DISC1: variants seen among roughly 807,000 people sequenced by gnomAD.
DISC1 encodes disrupted in schizophrenia 1 protein.
DISC1 carries 57 observed loss-of-function variants against 84.5 expected under a neutral mutation model. The observed-to-expected ratio is 0.67, with a 90% CI of 0.55 to 0.84. The LOEUF is 0.84. DISC1 is among the 40% of genes least tolerant of loss of function. The pLI is 0.00. For synonymous variants in DISC1, 411 were observed against 415.2 expected (o/e 0.99, Z 0.12); for missense variants, 1,000 against 1,057.8 (o/e 0.95, Z 0.76).
chr1:232,025,759 G>A (rs947982815), intron 11 of DISC1, among the ~76,000 whole-genome samples: 1 of 152,076 alleles, frequency 6.6e-6, no homozygotes, highest in Non-Finnish European at 1.5e-5. Context: ...ACTACGCCCG[G>A]CTAATTTTTT....
intron 8 of DISC1, among the ~76,000 whole-genome samples, chr1:231,816,156 T>C (rs1432161905): frequency 3.9e-5 from 6 of 152,348 alleles, no homozygotes; most frequent in Admixed American, 6.5e-5. Context: ...AGTGGGCTTG[T>C]AGTGGAATAT....
chr1:231,991,016 C>T (rs1040824679), intron 10 of DISC1, among the ~76,000 whole-genome samples: 6 of 152,214 alleles, frequency 3.9e-5, no homozygotes, highest in Non-Finnish European at 8.8e-5. Flanking sequence ...CCTCGCCAGG[C>T]GGCACCTGTG....
At chr1:231,673,849 T>TG (rs1406877715) in intron 1 of DISC1, among the ~76,000 whole-genome samples, 5 of 152,220 alleles carry the variant, frequency 3.3e-5, no homozygotes, top group Non-Finnish European at 1.5e-5. Context: ...ATTATACTTT[T>TG]GGGGCTCACG....
chr1:232,016,335 A>T (rs937108532), intron 11 of DISC1, among the ~76,000 whole-genome samples: 19 of 152,068 alleles, frequency 1.2e-4, no homozygotes, highest in African/African-American at 4.6e-4. Flanking sequence ...AATCCCTCAA[A>T]CCACTTTTCA....
rs1230025896 is a variant in DISC1, at chr1:231,698,689, T to G, written c.1048-3266T>G. Reference sequence around the variant, plus strand: ...AATGAATTTTTTTCCTGACCTTGTTTCCTGCATTTCTTCAGCTTCTGTTCT... The same window carrying G: ...AATGAATTTTTTTCCTGACCTTGTTGCCTGCATTTCTTCAGCTTCTGTTCT... On this transcript the variant is annotated intron_variant, in intron 2 of 12. Coordinates refer to ENST00000439617, the MANE Select transcript of DISC1 (RefSeq NM_018662.3). This position sits in a 1 kb window ranked among gnomAD's most constrained non-coding sequence, Gnocchi z 4.9. Among the ~76,000 whole-genome samples the G allele has an allele frequency of 6.6e-6, 1 of 152,346 alleles. No individual in the cohort carries two copies. Among genetic ancestry groups the G allele is most frequent in the African/African-American group, 2.4e-5 (1 of 41,580 alleles).
intron 3 of DISC1, among the ~76,000 whole-genome samples, chr1:231,737,834 C>T (rs1267478301): frequency 1.3e-5 from 2 of 152,174 alleles, no homozygotes; most frequent in Non-Finnish European, 2.9e-5. Flanking sequence ...TTTTTCTGAC[C>T]ACTTGAGGGC....
chr1:231,927,960 A>G (rs879780447), intron 9 of DISC1, among the ~76,000 whole-genome samples: 2 of 152,168 alleles, frequency 1.3e-5, no homozygotes, highest in Admixed American at 6.5e-5. Flanking sequence ...TGGGATGTGC[A>G]TTGTCTACTT....
chr1:231,658,347 G>T (rs778817759), intron 1 of DISC1, among the ~76,000 whole-genome samples: 1 of 152,164 alleles, frequency 6.6e-6, no homozygotes, highest in East Asian at 1.9e-4. Flanking sequence ...TGAGACTGCT[G>T]AAGTTGCTTA....
At chr1:231,879,216 A>G (rs2086113766) in intron 9 of DISC1, among the ~76,000 whole-genome samples, 1 of 152,084 alleles carries the variant, frequency 6.6e-6, no homozygotes, top group South Asian at 2.1e-4. Context: ...CAGTGTTCAA[A>G]AAGTTTCAAA....
At chr1:231,865,562 A>G (rs2084993655) in intron 9 of DISC1, among the ~76,000 whole-genome samples, 2 of 152,306 alleles carry the variant, frequency 1.3e-5, no homozygotes, top group East Asian at 3.9e-4. Context: ...ACTGACGTCT[A>G]TTTCCTTGGC....
At chr1:231,810,997 G>A (rs1208734829) in intron 8 of DISC1, among the ~76,000 whole-genome samples, 1 of 152,116 alleles carries the variant, frequency 6.6e-6, no homozygotes, top group African/African-American at 2.4e-5. Flanking sequence ...TCCATCTTTT[G>A]CTATGGCCTG....
At chr1:231,986,514 G>A (rs1006573862) in intron 10 of DISC1, among the ~76,000 whole-genome samples, 29 of 152,128 alleles carry the variant, frequency 1.9e-4, no homozygotes, top group Admixed American at 5.9e-4. Flanking sequence ...AGAATGAGCC[G>A]TAACATCCCT....
intron 9 of DISC1, among the ~76,000 whole-genome samples, chr1:231,852,811 T>C (rs199617411): frequency 2.6e-5 from 4 of 152,248 alleles, no homozygotes; most frequent in Non-Finnish European, 5.9e-5. Flanking sequence ...CTGGTCAGAC[T>C]GTAAATGATA....
At chr1:231,743,738 C>T (rs888088161) in intron 3 of DISC1, among the ~76,000 whole-genome samples, 1 of 152,214 alleles carries the variant, frequency 6.6e-6, no homozygotes, top group Non-Finnish European at 1.5e-5. Flanking sequence ...ACTGAGAGAT[C>T]TGCTAATTAC....
At chr1:231,949,945 A>G (rs1349982063) in intron 9 of DISC1, among the ~76,000 whole-genome samples, 1 of 152,190 alleles carries the variant, frequency 6.6e-6, no homozygotes, top group South Asian at 2.1e-4. Flanking sequence ...TACTCCTTGA[A>G]ATAACTTCTC....
rs1670747986 is a variant in DISC1, at chr1:232,040,691, A to G, written c.*3860A>G. ...TACTTGTTCACCTGGCTAAGAACTC[A>G]TGGCCACTGTGGAAATCTTGGTTAG... is the stretch of plus-strand genomic sequence containing the variant. On this transcript the variant is annotated 3_prime_UTR_variant, in exon 13 of 13. Coordinates refer to ENST00000439617, the MANE Select transcript of DISC1 (RefSeq NM_018662.3). 1 of 152,210 alleles carries G rather than the reference A, an allele frequency of 6.6e-6. No homozygotes were observed. The highest frequency in any genetic ancestry group is 1.5e-5 in the Non-Finnish European group (1 of 68,040). 9.4% of individuals were successfully genotyped at this position (152,210 alleles called of 1,614,324 possible).
At chr1:231,709,131 A>G (rs993995462) in intron 3 of DISC1, among the ~76,000 whole-genome samples, 9 of 152,186 alleles carry the variant, frequency 5.9e-5, no homozygotes, top group African/African-American at 2.2e-4. Context: ...TGTTTACAGG[A>G]GAATTTACAA....
chr1:231,833,417 C>G (rs1229013689), intron 9 of DISC1, among the ~76,000 whole-genome samples: 8 of 151,654 alleles, frequency 5.3e-5, no homozygotes, highest in Non-Finnish European at 8.8e-5. Context: ...TTACCCAAAT[C>G]TCGGCATCCA....
intron 3 of DISC1, among the ~76,000 whole-genome samples, chr1:231,742,785 C>CA (rs147956971): frequency 0.26 from 39,523 of 151,550 alleles, 5,583 homozygotes; most frequent in East Asian, 0.43. Flanking sequence ...TGGCACATGC[C>CA]AGTAGTCCCA....
Sources: gnomAD v4.1 joint callset for allele counts (sites outside exome capture counted in the v4.1 genomes callset) on GRCh38, gnomAD v4.1.1 for gene constraint, Gnocchi (gnomAD v3.1) non-coding constraint, MANE v1.5 for transcripts, NCBI Gene and HGNC (gene_info 2026-07-23, HGNC 2026-07-21) for gene names.